The following SMAD5 variants were observed in gnomAD, a reference collection of about 807,000 sequenced individuals.
SMAD5 encodes the protein SMAD family member 5.
Under a neutral mutation model 43.1 loss-of-function variants are expected in SMAD5, and 9 were observed. That is an observed-to-expected ratio of 0.21 (90% CI 0.13 to 0.36). The LOEUF (loss-of-function observed/expected upper bound fraction) is 0.36. SMAD5 is among the 10% of genes least tolerant of loss of function. SMAD5 has a pLI of 1.00. For synonymous variants in SMAD5, 190 were observed against 192.4 expected (o/e 0.99, Z 0.10); for missense variants, 348 against 574.0 (o/e 0.61, Z 4.02).
At position 136,137,270 on chromosome 5, in the gene SMAD5, A is replaced by ACCCCCCCCCCC. The variant is rs61537356; in HGVS notation, c.-245+4317_-245+4318insCCCCCCCCCCC. Among the ~76,000 whole-genome samples, 33 of 125,198 alleles carry ACCCCCCCCCCC rather than the reference A, an allele frequency of 2.6e-4. 4 individuals carry two copies. Among genetic ancestry groups the ACCCCCCCCCCC allele is most frequent in the African/African-American group, 5.0e-4 (16 of 32,006 alleles). The allele number at this position is 125,198 out of a possible 152,430, so 82.1% of individuals were successfully genotyped here. The stretch of plus-strand genomic sequence containing the variant: ...AGGTTTTGCTCTTGAATTTTTTGGG[A>ACCCCCCCCCCC]CCCCCCCCCGCATCTCTTCCTATAG... On this transcript the variant is annotated intron_variant, in intron 1 of 7. Coordinates refer to ENST00000545279, the MANE Select transcript of SMAD5 (RefSeq NM_005903.7).
At chr5:136,172,722 A>T (rs75613009) in intron 6 of SMAD5, 67 bp downstream of exon 6, 3 of 1,081,696 alleles carry the variant, frequency 2.8e-6, no homozygotes, top group Non-Finnish European at 4.3e-6. Context: ...TGAACCATGC[A>T]TTGTGAAAGG....
intron 5 of SMAD5, among the ~76,000 whole-genome samples, chr5:136,167,568 C>T (rs1754065225): frequency 1.3e-5 from 2 of 151,970 alleles, no homozygotes; most frequent in Admixed American, 1.3e-4. Flanking sequence ...ATCTGAGGCT[C>T]AGGAGTTTGA....
chr5:136,180,653 A>G lies in SMAD5; in HGVS notation c.*3173A>G, dbSNP rs928177758. 2.0e-5 allele frequency: 3 copies of G among 152,158 alleles called. No homozygotes were observed. The highest frequency in any genetic ancestry group is 1.9e-4 in the East Asian group (1 of 5,204). 9.4% of individuals were successfully genotyped at this position (152,158 alleles called of 1,614,324 possible). A position where few individuals can be genotyped will look rare whatever the true frequency, so the allele number is the denominator to read the frequency against. ...AAGAGGAGATTTAAGGAAGACGTCA[A>G]TCAAAATGTCAAATATGTGTGTCAG... On this transcript the variant is annotated 3_prime_UTR_variant, in exon 8 of 8. Coordinates refer to ENST00000545279, the MANE Select transcript of SMAD5 (RefSeq NM_005903.7).
chr5:136,152,824 C>T (rs1356290431), intron 2 of SMAD5: 1 of 152,090 alleles, frequency 6.6e-6, no homozygotes, highest in East Asian at 1.9e-4. Context: ...TTCCACCTGT[C>T]ATCATCAGGA....
At chr5:136,162,173 G>A (rs960344558) in intron 4 of SMAD5, among the ~76,000 whole-genome samples, 8 of 152,234 alleles carry the variant, frequency 5.3e-5, no homozygotes, top group African/African-American at 1.4e-4. Context: ...CACACACCCC[G>A]GCACTCACAC....
intron 5 of SMAD5, among the ~76,000 whole-genome samples, chr5:136,165,112 A>AT (rs1049385417): frequency 1.3e-5 from 2 of 151,618 alleles, no homozygotes; most frequent in South Asian, 2.1e-4. Flanking sequence ...TTTTCCCCCT[A>AT]TTTTTTTGTT....
intron 3 of SMAD5, among the ~76,000 whole-genome samples, chr5:136,157,388 C>G (rs1753673566): frequency 6.6e-6 from 1 of 152,084 alleles, no homozygotes; most frequent in Non-Finnish European, 1.5e-5. Flanking sequence ...GACAGTCTTT[C>G]CATAGAATTG....
At chr5:136,151,111 A>G (rs1753442512) in intron 2 of SMAD5, among the ~76,000 whole-genome samples, 1 of 152,052 alleles carries the variant, frequency 6.6e-6, no homozygotes, top group Non-Finnish European at 1.5e-5. Flanking sequence ...ATATATTTTT[A>G]CAAATTGTTT....
chr5:136,137,660 G>C (rs909584430), intron 1 of SMAD5, among the ~76,000 whole-genome samples: 1 of 152,086 alleles, frequency 6.6e-6, no homozygotes, highest in Non-Finnish European at 1.5e-5. Context: ...GAAGAGGGGG[G>C]TTCTGCAAAA....
intron 2 of SMAD5, among the ~76,000 whole-genome samples, chr5:136,151,640 C>G (rs1365116659): frequency 6.6e-6 from 1 of 151,958 alleles, no homozygotes; most frequent in East Asian, 1.9e-4. Context: ...TTTTGCCTCC[C>G]TCTTCCTTAA....
At position 136,180,209 on chromosome 5, in the gene SMAD5, A is replaced by AT. The variant is rs1315887639; in HGVS notation, c.*2734dup. On this transcript the variant is annotated 3_prime_UTR_variant, in exon 8 of 8. Transcript: ENST00000545279. ...ATAGGAGATAAAATTTGCTAGTAAG[A>AT]TTTTTAAAAACTGGCTAGTGAAAGG... The AT allele has an allele frequency of 2.0e-5, 3 of 152,300 alleles. No homozygotes were observed. The highest frequency in any genetic ancestry group is 3.9e-4 in the East Asian group (2 of 5,188). The allele number at this position is 152,300 out of a possible 1,614,324, so 9.4% of individuals were successfully genotyped here.
At chr5:136,144,249 A>G (rs1052557087) in intron 1 of SMAD5, among the ~76,000 whole-genome samples, 4 of 152,058 alleles carry the variant, frequency 2.6e-5, no homozygotes, top group African/African-American at 7.2e-5. Context: ...TTTCATGGAC[A>G]CTGTTCAGTG....
At position 136,177,318 on chromosome 5, in the gene SMAD5, T is replaced by G; in HGVS notation, c.1255-19T>G. On this transcript the variant is annotated intron_variant, in intron 7 of 7. Transcript: ENST00000545279. ...CAGTTTAAAGAGGGATTTGTGATGATATCTGTTCATTTTCATAGGGTTGGG... is the reference window on the plus strand; with the variant it reads ...CAGTTTAAAGAGGGATTTGTGATGAGATCTGTTCATTTTCATAGGGTTGGG... The G allele has an allele frequency of 6.2e-7, 1 of 1,612,598 alleles. No homozygotes were observed. The highest frequency in any genetic ancestry group is 8.5e-7 in the Non-Finnish European group (1 of 1,178,738).
chr5:136,134,297 T>G (rs1173476858), intron 1 of SMAD5: 1 of 152,516 alleles, frequency 6.6e-6, no homozygotes, highest in Non-Finnish European at 1.5e-5. Flanking sequence ...TTTTGAAAAT[T>G]CGTATTTAAA....
rs185962282 is a variant in SMAD5 at position 136,148,324 on chromosome 5, G to T, written c.-170+418G>T. Reference sequence around the variant, plus strand: ...TTCAAGGACCTCTGTTAAATTCTTTGATAGTCAAGTTACTCTTACCCTCCT... The same window carrying T: ...TTCAAGGACCTCTGTTAAATTCTTTTATAGTCAAGTTACTCTTACCCTCCT... On this transcript the variant is annotated intron_variant, in intron 2 of 7. Coordinates refer to ENST00000545279, the MANE Select transcript of SMAD5 (RefSeq NM_005903.7). 1.9e-3 allele frequency among the ~76,000 whole-genome samples: 285 copies of T among 149,964 alleles called. 2 individuals carry two copies. The highest frequency in any genetic ancestry group is 9.6e-3 in the East Asian group (49 of 5,102).
intron 3 of SMAD5, among the ~76,000 whole-genome samples, chr5:136,160,552 A>G (rs911396948): frequency 2.6e-5 from 4 of 151,648 alleles, no homozygotes; most frequent in African/African-American, 4.9e-5. Context: ...TTTAACTCCT[A>G]TTGTGTTAAA....
chr5:136,172,884 A>G, intron 6 of SMAD5: 3 of 519,838 alleles, frequency 5.8e-6, no homozygotes, highest in Non-Finnish European at 1.0e-5. Flanking sequence ...AAATCATACT[A>G]CCACTTTGTT....
At chr5:136,136,454 G>A (rs1331688660) in intron 1 of SMAD5, among the ~76,000 whole-genome samples, 1 of 152,142 alleles carries the variant, frequency 6.6e-6, no homozygotes, top group Non-Finnish European at 1.5e-5. Flanking sequence ...AATAGTCATT[G>A]GAATTTGCAG....
chr5:136,148,239 C>T (rs1388835800), intron 2 of SMAD5, among the ~76,000 whole-genome samples: 2 of 147,460 alleles, frequency 1.4e-5, no homozygotes, highest in African/African-American at 2.6e-5. Flanking sequence ...ACATTTGTGG[C>T]ATTAGCTTTA....
Sources: gnomAD v4.1 joint callset for allele counts (sites outside exome capture counted in the v4.1 genomes callset) on GRCh38, gnomAD v4.1.1 for gene constraint, MANE v1.5 for transcripts, NCBI Gene and HGNC (gene_info 2026-07-23, HGNC 2026-07-21) for gene names.